Variants in DNAH2 observed in about 807,000 individuals in gnomAD.
DNAH2 encodes the protein axonemal beta dynein heavy chain 2.
Under a neutral mutation model 523.5 loss-of-function variants are expected in DNAH2, and 323 were observed. The observed-to-expected ratio is 0.62, with a 90% CI of 0.56 to 0.68. DNAH2 has a LOEUF of 0.68. Ranked by LOEUF, DNAH2 falls within the 30% of genes least tolerant of loss-of-function variation. The probability of loss-of-function intolerance (pLI) is 0.00; values close to 1 mark genes in which losing one functional copy is unlikely to be tolerated. For missense variants in DNAH2, 4,907 were observed against 5,701.5 expected, an observed-to-expected ratio of 0.86 and a Z score of 4.49; for synonymous variants, 2,093 against 2,177.4, an observed-to-expected ratio of 0.96 and a Z score of 1.08.
chr17:7,725,388 C>T (rs2074766185), intron 3 of DNAH2, among the ~76,000 whole-genome samples: 1 of 140,966 alleles, frequency 7.1e-6, no homozygotes, highest in African/African-American at 2.6e-5. Flanking sequence ...CTGTGCCTGG[C>T]CTTCTTTGTT....
rs960164436 is a variant in DNAH2 at position 7,804,274 on chromosome 17, G to A, written c.8991G>A (p.Arg2997=). ...SGYKKLLGEK[R]QELLAQANKL... ...CCCCCAGGTTGCTGGGAGAAAAACG[G>A]CAGGAGCTGCTGGCCCAAGCCAATA... The change falls in exon 59 of 86, where the codon CGG becomes CGA. Residue 2997 remains arginine (R), a synonymous_variant. Coordinates refer to ENST00000572933, the MANE Select transcript of DNAH2 (RefSeq NM_020877.5). 1.2e-6 allele frequency: 2 copies of A among 1,614,160 alleles called. No homozygotes were observed. Among genetic ancestry groups the A allele is most frequent in the Non-Finnish European group, 1.7e-6 (2 of 1,180,032 alleles).
chr17:7,797,787 G>A lies in DNAH2; in HGVS notation c.8188G>A (p.Val2730Met), dbSNP rs776393739. 16 of 1,613,782 alleles carry A rather than the reference G, an allele frequency of 9.9e-6. No homozygotes were observed. Among genetic ancestry groups the A allele is most frequent in the Admixed American group, 1.7e-5 (1 of 59,974 alleles). The change falls in exon 53 of 86, where the codon GTG (valine) becomes ATG (methionine). Residue 2730 changes from valine to methionine, a missense_variant. By Grantham distance (21) the Val-to-Met change is conservative. This residue lies in a region of DNAH2 where 250 missense variants were observed against 371.3 expected (regional missense o/e 0.67). Coordinates refer to ENST00000572933, the MANE Select transcript of DNAH2 (RefSeq NM_020877.5). ...TGAGTATAACCTGTCACCCTCTGTC[G>A]TGCCCATGCAGCTAGTGCTCTTCCG... ...LNEYNLSPSV[V>M]PMQLVLFREA...
At chr17:7,767,817 C>T (rs908093040) in intron 22 of DNAH2, 83 bp from the exon 23 acceptor site, 16 of 1,571,168 alleles carry the variant, frequency 1.0e-5, no homozygotes, top group Admixed American at 1.8e-5. Context: ...CTTCACAGAG[C>T]GAGAGCAGCG....
intron 2 of DNAH2, among the ~76,000 whole-genome samples, chr17:7,720,255 G>A (rs546580709): frequency 6.6e-6 from 1 of 152,042 alleles, no homozygotes; most frequent in East Asian, 1.9e-4. Context: ...TTTCACCCTG[G>A]GTGGCAAAAC....
rs776993774 is a variant in DNAH2, at chr17:7,797,446, A to G, written c.7996A>G (p.Met2666Val). Residue 2666 changes from methionine to valine, a missense_variant, in exon 52 of 86, where the codon ATG becomes GTG. By Grantham distance (21) the Met-to-Val change is conservative. Coordinates refer to ENST00000572933, the MANE Select transcript of DNAH2 (RefSeq NM_020877.5). ...TGATGCGGCAGACACAGAAGCCTTC[A>G]TGGGCATCATAAGCGACAAGCTCGG... Reference protein sequence around the residue: ...LVDAADTEAFMGIISDKLGSF... With the variant: ...LVDAADTEAFVGIISDKLGSF... 10 of 1,614,168 alleles carry G rather than the reference A, an allele frequency of 6.2e-6. No individual in the cohort carries two copies. In the South Asian group the frequency reaches 8.8e-5, roughly 14 times the overall value.
chr17:7,770,134 A>G, intron 24 of DNAH2, 118 bp from the exon 25 acceptor site: 2 of 1,359,948 alleles, frequency 1.5e-6, no homozygotes, highest in East Asian at 2.4e-5. Context: ...GAGCCTGTTT[A>G]GCAAAATGAG....
At position 7,744,867 on chromosome 17, in the gene DNAH2, C is replaced by T. The variant is rs146970590; in HGVS notation, c.1904+1725C>T. Among the ~76,000 whole-genome samples, 155 of 152,258 alleles carry T rather than the reference C, an allele frequency of 1.0e-3. 5 individuals are homozygous for T. Among genetic ancestry groups the T allele is most frequent in the Middle Eastern group, 3.4e-3 (1 of 294 alleles). On this transcript the variant is annotated intron_variant, in intron 12 of 85. Transcript: ENST00000572933. ...CCCAAAGTTATTGTGTCAGGGGAGC[C>T]GCACAGATGCCCTTGGTGTTTATGG...
chr17:7,799,392 T>A, intron 56 of DNAH2, 150 bp downstream of exon 56: 1 of 1,156,390 alleles, frequency 8.6e-7, no homozygotes, highest in Non-Finnish European at 1.2e-6. Flanking sequence ...TGTGCCTGAT[T>A]TCAGGAAGTT....
chr17:7,817,799 G>T lies in DNAH2; in HGVS notation c.10179G>T (p.Leu3393=). 2 of 1,614,090 alleles carry T rather than the reference G, an allele frequency of 1.2e-6. No homozygotes were observed. Among genetic ancestry groups the T allele is most frequent in the Non-Finnish European group, 1.7e-6 (2 of 1,180,014 alleles). ...IIVTRGNRWA[L]MIDPQAQALK... The stretch of plus-strand genomic sequence containing the variant: ...TGTACTCCCCTTCCAGGTGGGCACT[G>T]ATGATCGACCCTCAGGCCCAGGCCC... Residue 3393 remains leucine (L), a synonymous_variant, in exon 67 of 86, where the codon CTG becomes CTT. Coordinates refer to ENST00000572933, the MANE Select transcript of DNAH2 (RefSeq NM_020877.5).
chr17:7,830,407 C>T lies in DNAH2; in HGVS notation c.11961C>T (p.Phe3987=), dbSNP rs539820818. The T allele has an allele frequency of 5.6e-6, 9 of 1,614,142 alleles. No individual in the cohort carries two copies. The highest frequency in any genetic ancestry group is 7.6e-6 in the Non-Finnish European group (9 of 1,180,054). The part of the protein sequence containing the change: ...KYKKLLFSLC[F]FHSVLLERKK... ...AGAAGCTGCTGTTTTCACTCTGTTTCTTCCACTCTGTGTTACTTGAACGCA... is the reference window on the plus strand; with the variant it reads ...AGAAGCTGCTGTTTTCACTCTGTTTTTTCCACTCTGTGTTACTTGAACGCA... Residue 3987 remains phenylalanine, a synonymous_variant, in exon 78 of 86, where the codon TTC becomes TTT. Transcript: ENST00000572933.
At chr17:7,732,005 G>A (rs2075002161) in intron 4 of DNAH2, among the ~76,000 whole-genome samples, 1 of 145,002 alleles carries the variant, frequency 6.9e-6, no homozygotes, top group South Asian at 2.2e-4. Flanking sequence ...TTCCAGCCTG[G>A]GCAACAACAG....
rs560007477 is a variant in DNAH2 at position 7,832,986 on chromosome 17, C to T, written c.12978+58C>T. The T allele has an allele frequency of 6.2e-6, 10 of 1,613,526 alleles. No homozygotes were observed. Among genetic ancestry groups the T allele is most frequent in the African/African-American group, 2.7e-5 (2 of 74,978 alleles). ...AAAGAGGGTACTGGAAATAATTGGACGAAAAGGGAGGAGAGAGGGAGCAGG... is the reference window on the plus strand; with the variant it reads ...AAAGAGGGTACTGGAAATAATTGGATGAAAAGGGAGGAGAGAGGGAGCAGG... On this transcript the variant is annotated intron_variant, in intron 84 of 85. Transcript: ENST00000572933. The surrounding 1 kb of genome is among the most constrained non-coding windows in gnomAD (Gnocchi z 4.3).
chr17:7,832,080 T>C lies in DNAH2; in HGVS notation c.12726+305T>C. On this transcript the variant is annotated intron_variant, in intron 82 of 85. Transcript: ENST00000572933. This position sits in a 1 kb window ranked among gnomAD's most constrained non-coding sequence, Gnocchi z 4.3. ...TGCTACCTGGTTAATATTACTGCGG[T>C]CATTGTTATGAATGAATAGCTGTCG... Among the ~76,000 whole-genome samples, 1 of 152,198 alleles carries C rather than the reference T, an allele frequency of 6.6e-6. No individual in the cohort carries two copies.
At chr17:7,738,318 G>A (rs1023722181) in intron 8 of DNAH2, among the ~76,000 whole-genome samples, 15 of 151,724 alleles carry the variant, frequency 9.9e-5, no homozygotes, top group African/African-American at 3.6e-4. Flanking sequence ...CTCCTTTTTT[G>A]TTTTTTAATT....
chr17:7,732,433 T>TA (rs2075016774), intron 4 of DNAH2, among the ~76,000 whole-genome samples: 1 of 51,710 alleles, frequency 1.9e-5, no homozygotes. Context: ...AGACTCCATC[T>TA]CAAAAAAAAA....
intron 11 of DNAH2, among the ~76,000 whole-genome samples, chr17:7,741,217 C>T (rs2075304585): frequency 6.7e-6 from 1 of 149,774 alleles, no homozygotes; most frequent in Admixed American, 6.6e-5. Context: ...TTCTTCCTTC[C>T]TTTCTTTTTT....
At position 7,831,190 on chromosome 17, in the gene DNAH2, G is replaced by A; in HGVS notation, c.12335G>A (p.Gly4112Asp). Residue 4112 changes from glycine to aspartate, a missense_variant, in exon 80 of 86, where the codon GGC becomes GAC. Gly to Asp is a moderately conservative substitution (Grantham distance 94). Coordinates refer to ENST00000572933, the MANE Select transcript of DNAH2 (RefSeq NM_020877.5). The surrounding 1 kb of genome is among the most constrained non-coding windows in gnomAD (Gnocchi z 4.2). ...GGCATGGACCCCCCTGAGGCCTTTG[G>A]CCAGCACCCCAATGCTGATGTGGCC... ...LPGMDPPEAF[G>D]QHPNADVASQ... 1 of 1,614,136 alleles carries A rather than the reference G, an allele frequency of 6.2e-7. No individual in the cohort carries two copies. The highest frequency in any genetic ancestry group is 8.5e-7 in the Non-Finnish European group (1 of 1,180,028).
rs2075792027 is a variant in DNAH2 at position 7,754,870 on chromosome 17, A to G, written c.1905-2221A>G. 1 of 633,172 alleles carries G rather than the reference A, an allele frequency of 1.6e-6. No homozygotes were observed. The highest frequency in any genetic ancestry group is 2.8e-6 in the Non-Finnish European group (1 of 355,026). 39.2% of individuals were successfully genotyped at this position (633,172 alleles called of 1,614,324 possible). The stretch of plus-strand genomic sequence containing the variant: ...TCAGAGTAGATATCTCTGTCTGCCA[A>G]CGTGAGGACAGAAGGACAGGTGCCA... On this transcript the variant is annotated intron_variant, in intron 12 of 85. Coordinates refer to ENST00000572933, the MANE Select transcript of DNAH2 (RefSeq NM_020877.5). This position sits in a 1 kb window ranked among gnomAD's most constrained non-coding sequence, Gnocchi z 4.6.
chr17:7,797,078 G>T, intron 50 of DNAH2, 98 bp from the exon 51 acceptor site: 2 of 1,125,802 alleles, frequency 1.8e-6, no homozygotes, highest in Non-Finnish European at 2.6e-6. Context: ...GTCCAGCCTT[G>T]GAGACAGAGT....
Sources: gnomAD v4.1 joint callset for allele counts (sites outside exome capture counted in the v4.1 genomes callset) on GRCh38, gnomAD v4.1.1 for gene constraint, gnomAD v4.1.1 regional missense constraint, Gnocchi (gnomAD v3.1) non-coding constraint, MANE v1.5 for transcripts, NCBI Gene and HGNC (gene_info 2026-07-23, HGNC 2026-07-21) for gene names.